Variants in KCNT2 observed in about 807,000 individuals in gnomAD.
KCNT2 encodes the protein potassium channel subfamily T member 2.
In KCNT2, 67 loss-of-function variants were observed where a neutral mutation model predicts 153.8. That is an observed-to-expected ratio of 0.44 (90% CI 0.36 to 0.53). KCNT2 has a LOEUF of 0.53. Among genes scored for constraint, KCNT2 ranks in the 20% least tolerant of loss-of-function variants. The pLI is 0.00. For missense variants in KCNT2, 975 were observed against 1,354.8 expected (o/e 0.72, Z 4.40); for synonymous variants, 500 against 458.8 (o/e 1.09, Z -1.15).
At chr1:196,489,409 T>A (rs1223564393) in intron 3 of KCNT2, among the ~76,000 whole-genome samples, 9 of 150,910 alleles carry the variant, frequency 6.0e-5, no homozygotes, top group Non-Finnish European at 1.2e-4. Context: ...AGAGAAACAG[T>A]CTCTAGAGAA....
chr1:196,418,340 G>A (rs1331658045), intron 12 of KCNT2, among the ~76,000 whole-genome samples: 2 of 151,914 alleles, frequency 1.3e-5, no homozygotes, highest in African/African-American at 4.8e-5. Flanking sequence ...AAAATAAATA[G>A]ACAACAAACA....
intron 8 of KCNT2, among the ~76,000 whole-genome samples, chr1:196,446,064 CTT>C (rs1274308136): frequency 6.6e-6 from 1 of 151,340 alleles, no homozygotes; most frequent in African/African-American, 2.4e-5. Context: ...GCTCTTATGA[CTT>C]TAATTTTTAG....
At position 196,562,857 on chromosome 1, in the gene KCNT2, C is replaced by T. The variant is rs144786019; in HGVS notation, c.95+45358G>A. Among the ~76,000 whole-genome samples the T allele has an allele frequency of 3.1e-3, 470 of 152,098 alleles. 2 individuals carry two copies. The highest frequency in any genetic ancestry group is 4.9e-3 in the Non-Finnish European group (335 of 67,944). On this transcript the variant is annotated intron_variant, in intron 1 of 27. Transcript: ENST00000294725. ...CCCAATAAAATACTATTTTCTTTCA[C>T]ACCAGATATTTTCTTTTCAATTTAG...
intron 1 of KCNT2, among the ~76,000 whole-genome samples, chr1:196,564,117 C>A (rs982793852): frequency 6.6e-6 from 1 of 151,408 alleles, no homozygotes; most frequent in Non-Finnish European, 1.5e-5. Flanking sequence ...TACAAAAGAC[C>A]CCACCAAAAA....
At chr1:196,501,957 A>G (rs1162731324) in intron 1 of KCNT2, among the ~76,000 whole-genome samples, 1 of 152,074 alleles carries the variant, frequency 6.6e-6, no homozygotes, top group African/African-American at 2.4e-5. Flanking sequence ...CATCTCTACT[A>G]AAATACAAAA....
chr1:196,351,833 C>T (rs1359613393), intron 14 of KCNT2, among the ~76,000 whole-genome samples: 5 of 152,098 alleles, frequency 3.3e-5, no homozygotes, highest in African/African-American at 1.2e-4. Context: ...ATGATATTGG[C>T]TGTGGGTTTG....
chr1:196,299,529 A>T lies in KCNT2; in HGVS notation c.2595+5705T>A, dbSNP rs538602984. On this transcript the variant is annotated intron_variant, in intron 22 of 27. Coordinates refer to ENST00000294725, the MANE Select transcript of KCNT2 (RefSeq NM_198503.5). ...CTAATCATAACGGAAATGTAAATCA[A>T]GGCCACAATGAGACATCATCTCACC... Among the ~76,000 whole-genome samples, 3 of 152,294 alleles carry T rather than the reference A, an allele frequency of 2.0e-5. No individual in the cohort carries two copies. The East Asian group carries it at 5.8e-4, about 29-fold the overall frequency.
At chr1:196,386,869 A>G (rs953547095) in intron 13 of KCNT2, among the ~76,000 whole-genome samples, 5 of 152,104 alleles carry the variant, frequency 3.3e-5, no homozygotes, top group African/African-American at 1.2e-4. Context: ...GAAAATATTA[A>G]GTGAGATCGA....
chr1:196,241,093 A>G (rs183742885), intron 26 of KCNT2, among the ~76,000 whole-genome samples: 23 of 152,234 alleles, frequency 1.5e-4, no homozygotes, highest in Non-Finnish European at 2.5e-4. Context: ...AGAAGGAGAC[A>G]GAGAATTTTA....
In KCNT2 at chr1:196,242,016, C is replaced by T. The variant is rs1186608546; in HGVS notation, c.3212-5946G>A. Among the ~76,000 whole-genome samples, 3 of 152,176 alleles carry T rather than the reference C, an allele frequency of 2.0e-5. No individual in the cohort carries two copies. In the East Asian group the frequency reaches 5.8e-4, roughly 29 times the overall value. ...TATGATTTCTTCAATGGTGCAAAGT[C>T]CTGTTTTGTTTTGTGAAGATGCTTT... is the stretch of plus-strand genomic sequence containing the variant. On this transcript the variant is annotated intron_variant, in intron 26 of 27. Coordinates refer to ENST00000294725, the MANE Select transcript of KCNT2 (RefSeq NM_198503.5).
intron 17 of KCNT2, among the ~76,000 whole-genome samples, chr1:196,332,857 T>C (rs1261722461): frequency 6.6e-6 from 1 of 151,538 alleles, no homozygotes; most frequent in Admixed American, 6.6e-5. Context: ...GGATCTTAGC[T>C]TACTGCAACC....
chr1:196,412,426 T>A (rs1183027971), intron 12 of KCNT2, among the ~76,000 whole-genome samples: 1 of 151,728 alleles, frequency 6.6e-6, no homozygotes, highest in African/African-American at 2.4e-5. Context: ...AAAGAAAGAA[T>A]CATTTTTAAA....
intron 26 of KCNT2, among the ~76,000 whole-genome samples, chr1:196,248,873 C>T (rs1571789226): frequency 6.6e-6 from 1 of 152,136 alleles, no homozygotes; most frequent in East Asian, 1.9e-4. Context: ...AAACTACAGG[C>T]CAATATCTCT....
intron 25 of KCNT2, among the ~76,000 whole-genome samples, chr1:196,276,478 C>T (rs1023837025): frequency 6.6e-6 from 1 of 151,964 alleles, no homozygotes; most frequent in Non-Finnish European, 1.5e-5. Flanking sequence ...AAAGAATTCT[C>T]TCTGAAGCCT....
At chr1:196,445,596 A>T (rs187087911) in intron 8 of KCNT2, among the ~76,000 whole-genome samples, 1 of 151,572 alleles carries the variant, frequency 6.6e-6, no homozygotes. Context: ...TTAAAATATC[A>T]TGTTCATCAA....
In KCNT2 at chr1:196,388,340, G is replaced by A. The variant is rs562850915; in HGVS notation, c.1294+10223C>T. On this transcript the variant is annotated intron_variant, in intron 13 of 27. Coordinates refer to ENST00000294725, the MANE Select transcript of KCNT2 (RefSeq NM_198503.5). ...TAAAGCTTCACAACAGAGGTACTACGGATATTCTGACATGAATCTTCTTTT... is the reference window on the plus strand; with the variant it reads ...TAAAGCTTCACAACAGAGGTACTACAGATATTCTGACATGAATCTTCTTTT... Among the ~76,000 whole-genome samples, 9 of 151,524 alleles carry A rather than the reference G, an allele frequency of 5.9e-5. No individual in the cohort carries two copies. The East Asian group carries it at 1.6e-3, about 26-fold the overall frequency.
At chr1:196,246,566 T>C (rs1363836242) in intron 26 of KCNT2, among the ~76,000 whole-genome samples, 3 of 152,002 alleles carry the variant, frequency 2.0e-5, no homozygotes, top group Non-Finnish European at 4.4e-5. Flanking sequence ...ATTTTTCCAG[T>C]TTTCAGGACA....
chr1:196,409,045 T>A (rs1363068838), intron 12 of KCNT2, among the ~76,000 whole-genome samples: 3 of 151,146 alleles, frequency 2.0e-5, no homozygotes, highest in African/African-American at 4.8e-5. Flanking sequence ...GGTTTTTTTT[T>A]ATATGAAGCA....
At chr1:196,513,816 T>C (rs1401203335) in intron 1 of KCNT2, among the ~76,000 whole-genome samples, 1 of 152,204 alleles carries the variant, frequency 6.6e-6, no homozygotes, top group Admixed American at 6.6e-5. Flanking sequence ...ACCAAACAAC[T>C]GGTTCTACAT....
Sources: allele counts gnomAD v4.1 joint callset (sites outside exome capture counted in the v4.1 genomes callset), GRCh38; gene constraint gnomAD v4.1.1; transcripts MANE v1.5; gene names NCBI Gene and HGNC (gene_info 2026-07-23, HGNC 2026-07-21).